LRP1B: variants seen among roughly 807,000 people sequenced by gnomAD.
LRP1B encodes LDL receptor related protein 1B, also known as low-density lipoprotein receptor-related protein 1B.
LRP1B carries 217 observed loss-of-function variants against 556.6 expected under a neutral mutation model. The ratio of observed to expected loss-of-function variants is 0.39; its 90% confidence interval spans 0.35 to 0.44. The LOEUF is 0.44. Ranked by LOEUF, LRP1B falls within the 20% of genes least tolerant of loss-of-function variation. The pLI, the probability that LRP1B is intolerant of heterozygous loss-of-function variation, is 1.00. For synonymous variants in LRP1B, 2,047 were observed against 1,865.8 expected (o/e 1.10, Z -2.50); for missense variants, 5,053 against 5,620.8 (o/e 0.90, Z 3.23).
intron 7 of LRP1B, among the ~76,000 whole-genome samples, chr2:141,144,635 T>C (rs1701737267): frequency 6.6e-6 from 1 of 152,132 alleles, no homozygotes; most frequent in Non-Finnish European, 1.5e-5. Flanking sequence ...CGCTAGAAGA[T>C]CATTATTAAG....
At chr2:140,701,115 T>TGTC (rs1165897013) in intron 40 of LRP1B, among the ~76,000 whole-genome samples, 3 of 50,112 alleles carry the variant, frequency 6.0e-5, no homozygotes, top group African/African-American at 1.4e-4. Context: ...GCACTTAAAA[T>TGTC]TTCTTCACCA....
chr2:141,275,642 G>A (rs76676626), intron 3 of LRP1B, among the ~76,000 whole-genome samples: 14,927 of 152,160 alleles, frequency 0.098, 861 homozygotes, highest in East Asian at 0.16. Context: ...AAGCCCAGAA[G>A]GTTGACGCTG....
At chr2:141,773,265 AC>A (rs1694958606) in intron 2 of LRP1B, among the ~76,000 whole-genome samples, 1 of 152,212 alleles carries the variant, frequency 6.6e-6, no homozygotes, top group African/African-American at 2.4e-5. Context: ...TTCTATCTGT[AC>A]CAAAGTTTCT....
intron 32 of LRP1B, among the ~76,000 whole-genome samples, chr2:140,808,933 C>T (rs1450069131): frequency 6.6e-6 from 1 of 152,090 alleles, no homozygotes; most frequent in Non-Finnish European, 1.5e-5. Context: ...ACAGAAGGGG[C>T]TTATTCTCCT....
intron 69 of LRP1B, among the ~76,000 whole-genome samples, chr2:140,371,616 T>A (rs1018737440): frequency 1.7e-4 from 26 of 151,800 alleles, no homozygotes; most frequent in Admixed American, 1.1e-3. Flanking sequence ...ACATGAGTTT[T>A]TTTTTTTACA....
At chr2:141,071,757 G>A (rs1357524830) in intron 7 of LRP1B, among the ~76,000 whole-genome samples, 1 of 152,128 alleles carries the variant, frequency 6.6e-6, no homozygotes, top group East Asian at 1.9e-4. Flanking sequence ...ATTCACAATT[G>A]CTTCAAAGAG....
In LRP1B at chr2:141,041,608, T is replaced by C. The variant is rs188160527; in HGVS notation, c.1789+7378A>G. Among the ~76,000 whole-genome samples the C allele has an allele frequency of 4.6e-5, 7 of 152,200 alleles. No individual in the cohort carries two copies. In the East Asian group the frequency reaches 1.4e-3, roughly 30 times the overall value. On this transcript the variant is annotated intron_variant, in intron 11 of 90. Transcript: ENST00000389484. ...GTCAAGATAATTTCCTATCTCAAGA[T>C]CCTCAACACATGCATAGTTACAGCT... is the stretch of plus-strand genomic sequence containing the variant.
chr2:141,892,442 A>G (rs1275137452), intron 1 of LRP1B, among the ~76,000 whole-genome samples: 1 of 152,016 alleles, frequency 6.6e-6, no homozygotes, highest in Non-Finnish European at 1.5e-5. Context: ...AATTAAATCT[A>G]TATGGAGTGT....
intron 1 of LRP1B, among the ~76,000 whole-genome samples, chr2:141,931,165 G>T (rs557203835): frequency 6.6e-6 from 1 of 152,018 alleles, no homozygotes; most frequent in South Asian, 2.1e-4. Context: ...CTAATTGAAA[G>T]AATAATTTGC....
chr2:142,014,804 T>C (rs1703069252), intron 1 of LRP1B, among the ~76,000 whole-genome samples: 1 of 151,838 alleles, frequency 6.6e-6, no homozygotes, highest in East Asian at 1.9e-4. Flanking sequence ...AAATACATGG[T>C]GAGGCAGGAA....
intron 2 of LRP1B, among the ~76,000 whole-genome samples, chr2:141,548,407 C>T (rs1685627534): frequency 1.3e-5 from 2 of 152,154 alleles, no homozygotes; most frequent in African/African-American, 4.8e-5. Flanking sequence ...GGCACTTAGG[C>T]ATAGTGGTGA....
At chr2:142,010,569 A>G (rs945891447) in intron 1 of LRP1B, among the ~76,000 whole-genome samples, 2 of 148,068 alleles carry the variant, frequency 1.4e-5, no homozygotes, top group African/African-American at 5.2e-5. Context: ...AAAAAAAAAA[A>G]AAAAAAAAAA....
intron 68 of LRP1B, among the ~76,000 whole-genome samples, chr2:140,376,899 T>A (rs1053742867): frequency 2.0e-5 from 3 of 152,046 alleles, no homozygotes; most frequent in Non-Finnish European, 4.4e-5. Flanking sequence ...AGTGGATGCC[T>A]AGGGAATTGG....
chr2:141,017,346 T>C (rs1697930418), intron 12 of LRP1B, among the ~76,000 whole-genome samples: 3 of 151,700 alleles, frequency 2.0e-5, no homozygotes, highest in Non-Finnish European at 4.4e-5. Context: ...CGGTTTTATT[T>C]TTGTTCATTT....
At position 141,254,553 on chromosome 2, in the gene LRP1B, G is replaced by A. The variant is rs1272948681; in HGVS notation, c.432C>T (p.Phe144=). 1.8e-5 allele frequency: 29 copies of A among 1,611,606 alleles called. 2 individuals are homozygous for A. In the Middle Eastern group the frequency reaches 1.3e-3, roughly 74 times the overall value. The part of the protein sequence containing the change: ...NSTRCYCEDG[F]EITEDGRSCK... ...AGCTTCTCCCATCTTCTGTTATTTC[G>A]AATCCATCCTCACAGTAACATCTTG... Residue 144 remains phenylalanine, a synonymous_variant, in exon 4 of 91, where the codon TTC becomes TTT. Coordinates refer to ENST00000389484, the MANE Select transcript of LRP1B (RefSeq NM_018557.3).
chr2:141,832,921 T>A (rs1697157728), intron 1 of LRP1B, among the ~76,000 whole-genome samples: 1 of 151,780 alleles, frequency 6.6e-6, no homozygotes, highest in East Asian at 1.9e-4. Flanking sequence ...ACCACATTAT[T>A]TTTTCATTAT....
chr2:140,826,617 C>T (rs1280915288), intron 31 of LRP1B, among the ~76,000 whole-genome samples: 4 of 152,108 alleles, frequency 2.6e-5, no homozygotes, highest in African/African-American at 7.2e-5. Context: ...ATTCATAATG[C>T]CCCTCCCCCA....
chr2:140,869,610 T>C (rs1693061443), intron 25 of LRP1B, among the ~76,000 whole-genome samples: 1 of 152,056 alleles, frequency 6.6e-6, no homozygotes, highest in South Asian at 2.1e-4. Context: ...GTCTAGAGTA[T>C]GGTGGTGGCA....
chr2:140,612,096 C>A (rs866994972), intron 41 of LRP1B, among the ~76,000 whole-genome samples: 59 of 152,066 alleles, frequency 3.9e-4, no homozygotes, highest in African/African-American at 1.4e-3. Context: ...TAAGTACCTA[C>A]TATGTGCCCA....
Sources: gnomAD v4.1 joint callset for allele counts (sites outside exome capture counted in the v4.1 genomes callset) on GRCh38, gnomAD v4.1.1 for gene constraint, MANE v1.5 for transcripts, NCBI Gene and HGNC (gene_info 2026-07-23, HGNC 2026-07-21) for gene names.